The following AKAP6 variants were observed in gnomAD, a reference collection of about 807,000 sequenced individuals.
The protein encoded by AKAP6 is A-kinase anchor protein 6.
Under a neutral mutation model 188.5 loss-of-function variants are expected in AKAP6, and 58 were observed. The ratio of observed to expected loss-of-function variants is 0.31; its 90% CI spans 0.25 to 0.38. The LOEUF (loss-of-function observed/expected upper bound fraction) is 0.38, where lower values mean the gene tolerates loss of function less well. Ranked by LOEUF, AKAP6 falls within the 10% of genes least tolerant of loss-of-function variation. The pLI is 1.00. For missense variants in AKAP6, 2,710 were observed against 2,740.0 expected, an observed-to-expected ratio of 0.99 and a Z score of 0.24; for synonymous variants, 989 against 998.6, an observed-to-expected ratio of 0.99 and a Z score of 0.18.
chr14:32,368,338 T>C (rs1007035699), intron 1 of AKAP6, among the ~76,000 whole-genome samples: 1 of 152,202 alleles, frequency 6.6e-6, no homozygotes, highest in Non-Finnish European at 1.5e-5. Context: ...TGGTAGACAT[T>C]GTACTGGGTG....
intron 12 of AKAP6, among the ~76,000 whole-genome samples, chr14:32,781,706 A>G (rs367880358): frequency 2.0e-5 from 3 of 152,322 alleles, no homozygotes; most frequent in East Asian, 3.9e-4. Context: ...AAACTACATC[A>G]TGATATTGTG....
intron 1 of AKAP6, among the ~76,000 whole-genome samples, chr14:32,389,477 T>G (rs2138579293): frequency 6.6e-6 from 1 of 152,296 alleles, no homozygotes; most frequent in Non-Finnish European, 1.5e-5. Context: ...TCTTTTTTGC[T>G]GTGTTTCCAG....
chr14:32,420,224 T>C (rs1403195281), intron 1 of AKAP6, among the ~76,000 whole-genome samples: 1 of 152,196 alleles, frequency 6.6e-6, no homozygotes, highest in Non-Finnish European at 1.5e-5. Flanking sequence ...ACTACCTCTA[T>C]CTTGAAACAA....
At chr14:32,802,255 T>C (rs943336197) in intron 12 of AKAP6, among the ~76,000 whole-genome samples, 31 of 152,236 alleles carry the variant, frequency 2.0e-4, no homozygotes, top group African/African-American at 6.5e-4. Context: ...TTCATTTTGC[T>C]TGTAAATCAA....
At chr14:32,749,087 T>G (rs142370491) in intron 11 of AKAP6, among the ~76,000 whole-genome samples, 1 of 152,170 alleles carries the variant, frequency 6.6e-6, no homozygotes, top group Non-Finnish European at 1.5e-5. Flanking sequence ...AATTGGCCAA[T>G]TAATAGTATT....
intron 1 of AKAP6, among the ~76,000 whole-genome samples, chr14:32,341,210 C>G (rs1886877538): frequency 1.3e-5 from 2 of 152,150 alleles, no homozygotes; most frequent in Admixed American, 1.3e-4. Flanking sequence ...TTTTTAGCCA[C>G]AACATATTTT....
At chr14:32,520,886 C>CA (rs1292427082) in intron 2 of AKAP6, among the ~76,000 whole-genome samples, 1 of 151,840 alleles carries the variant, frequency 6.6e-6, no homozygotes, top group African/African-American at 2.4e-5. Context: ...GCAGACACAA[C>CA]AAAAAAATAA....
chr14:32,343,093 T>A (rs1490731308), intron 1 of AKAP6, among the ~76,000 whole-genome samples: 2 of 152,116 alleles, frequency 1.3e-5, no homozygotes, highest in East Asian at 3.9e-4. Context: ...GCAGATAGGA[T>A]GTTGGTAAGC....
intron 1 of AKAP6, 126 bp from the exon 2 acceptor site, chr14:32,433,334 T>G: frequency 7.3e-6 from 5 of 683,946 alleles, no homozygotes; most frequent in East Asian, 2.8e-5. Context: ...GTTTTTGTTA[T>G]GAGCTATGGT....
intron 1 of AKAP6, among the ~76,000 whole-genome samples, chr14:32,393,893 G>C (rs1888791390): frequency 6.6e-6 from 1 of 152,006 alleles, no homozygotes; most frequent in Admixed American, 6.6e-5. Context: ...TGGCAAATTT[G>C]AATATAAGTA....
intron 4 of AKAP6, among the ~76,000 whole-genome samples, chr14:32,558,718 T>C (rs1225081412): frequency 6.6e-6 from 1 of 152,208 alleles, no homozygotes; most frequent in Non-Finnish European, 1.5e-5. Flanking sequence ...CGAGGGAAGA[T>C]AGAGGTCGTC....
intron 2 of AKAP6, among the ~76,000 whole-genome samples, chr14:32,465,164 C>T (rs185660228): frequency 6.6e-6 from 1 of 152,240 alleles, no homozygotes; most frequent in Admixed American, 6.5e-5. Context: ...GCCATACTGC[C>T]CAAAGTAATT....
intron 1 of AKAP6, among the ~76,000 whole-genome samples, chr14:32,377,299 C>A (rs906757307): frequency 6.6e-6 from 1 of 152,286 alleles, no homozygotes; most frequent in Non-Finnish European, 1.5e-5. Context: ...TTCATTATTT[C>A]AACTGTGAGG....
chr14:32,740,611 C>T (rs2031628632), intron 11 of AKAP6, among the ~76,000 whole-genome samples: 1 of 151,962 alleles, frequency 6.6e-6, no homozygotes, highest in Admixed American at 6.6e-5. Flanking sequence ...TTTCCCAGCA[C>T]CATTTATTGA....
chr14:32,668,568 T>C (rs1817858949), intron 7 of AKAP6, among the ~76,000 whole-genome samples: 1 of 152,148 alleles, frequency 6.6e-6, no homozygotes, highest in South Asian at 2.1e-4. Context: ...TAGTGAATGT[T>C]TCTAATAATT....
chr14:32,679,058 T>C (rs1339807457), intron 8 of AKAP6, among the ~76,000 whole-genome samples: 1 of 152,198 alleles, frequency 6.6e-6, no homozygotes, highest in African/African-American at 2.4e-5. Context: ...TTATACTAAC[T>C]ATTCATACTA....
At chr14:32,370,565 C>T (rs1263253285) in intron 1 of AKAP6, among the ~76,000 whole-genome samples, 1 of 152,144 alleles carries the variant, frequency 6.6e-6, no homozygotes, top group Non-Finnish European at 1.5e-5. Context: ...GAGGCTTTGC[C>T]GTTAACAACT....
Position 32,821,461 on chromosome 14 carries a change from C to T in AKAP6, c.3648C>T (p.Ala1216=). Residue 1216 remains alanine, a synonymous_variant, in exon 13 of 14, where the codon GCC becomes GCT. Transcript: ENST00000280979. ...LMDLNGMSED[A]LEWDEMDISN... is the part of the protein sequence containing the mutation. ...ACCTAAATGGGATGAGTGAGGATGC[C>T]CTGGAATGGGATGAAATGGACATAA... The T allele has an allele frequency of 1.2e-6, 2 of 1,613,296 alleles. No homozygotes were observed. The highest frequency in any genetic ancestry group is 8.5e-7 in the Non-Finnish European group (1 of 1,179,646).
chr14:32,778,174 C>T (rs1234844457), intron 12 of AKAP6, among the ~76,000 whole-genome samples: 1 of 152,230 alleles, frequency 6.6e-6, no homozygotes, highest in East Asian at 1.9e-4. Flanking sequence ...CGACCTGTAC[C>T]ACAAGAAATG....
Sources: allele counts gnomAD v4.1 joint callset (sites outside exome capture counted in the v4.1 genomes callset), GRCh38; gene constraint gnomAD v4.1.1; transcripts MANE v1.5; gene names NCBI Gene and HGNC (gene_info 2026-07-23, HGNC 2026-07-21).